UBR4: variants seen among roughly 807,000 people sequenced by gnomAD.
UBR4 encodes the protein ubiquitin protein ligase E3 component n-recognin 4.
Under a neutral mutation model 575.6 loss-of-function variants are expected in UBR4, and 124 were observed. The ratio of observed to expected loss-of-function variants is 0.22; its 90% CI spans 0.19 to 0.25. UBR4 has a LOEUF of 0.25. UBR4 is among the 10% of genes least tolerant of loss of function. UBR4 has a pLI of 1.00. For missense variants in UBR4, 4,818 were observed against 6,478.8 expected (o/e 0.74, Z 8.80); for synonymous variants, 2,455 against 2,473.7 (o/e 0.99, Z 0.22).
chr1:19,189,698 T>G (rs2091889465), intron 11 of UBR4, among the ~76,000 whole-genome samples: 1 of 152,202 alleles, frequency 6.6e-6, no homozygotes, highest in Admixed American at 6.5e-5. Flanking sequence ...ACATGTATTC[T>G]TTTAAAATAT....
In UBR4 at chr1:19,081,976, C is replaced by CTTG. The variant is rs1234460620; in HGVS notation, c.15009-404_15009-403insCAA. 5.1e-6 allele frequency: 3 copies of CTTG among 586,396 alleles called. No individual in the cohort carries two copies. The East Asian group carries it at 8.3e-5, about 16-fold the overall frequency. 36.3% of individuals were successfully genotyped at this position (586,396 alleles called of 1,614,324 possible). ...GTCAGCAAGCTAGTGAGTGATGGGG[C>CTTG]CAAAAACATGAATCAAGATTCCCTG... On this transcript the variant is annotated intron_variant, in intron 102 of 105. Coordinates refer to ENST00000375254, the MANE Select transcript of UBR4 (RefSeq NM_020765.3).
Position 19,077,835 on chromosome 1 carries a change from G to C in UBR4, c.15324+141C>G, listed in dbSNP as rs1029898184. ...CCAGTGTCAATCCCTCCCACAGTTGGGGTTGTTTGTTTCTAGGAAAAAAGC... is the reference window on the plus strand; with the variant it reads ...CCAGTGTCAATCCCTCCCACAGTTGCGGTTGTTTGTTTCTAGGAAAAAAGC... On this transcript the variant is annotated intron_variant, in intron 104 of 105. Coordinates refer to ENST00000375254, the MANE Select transcript of UBR4 (RefSeq NM_020765.3). 2.6e-6 allele frequency: 4 copies of C among 1,549,716 alleles called. No homozygotes were observed. In the South Asian group the frequency reaches 4.8e-5, roughly 18 times the overall value.
At chr1:19,131,262 A>T (rs554680454) in intron 60 of UBR4, among the ~76,000 whole-genome samples, 52 of 149,854 alleles carry the variant, frequency 3.5e-4, no homozygotes, top group Middle Eastern at 3.4e-3. Flanking sequence ...AAAAAAAAAA[A>T]AAAAAAATAA....
In UBR4 at chr1:19,093,583, T is replaced by C; in HGVS notation, c.13938-97A>G. On this transcript the variant is annotated intron_variant, in intron 95 of 105. Coordinates refer to ENST00000375254, the MANE Select transcript of UBR4 (RefSeq NM_020765.3). The surrounding 1 kb of genome is among the most constrained non-coding windows in gnomAD (Gnocchi z 4.8). The stretch of plus-strand genomic sequence containing the variant: ...ACAACTGTCAACAGCCTATAGAAGA[T>C]CAAGGCTAAATTCCCTAACGTGACA... The C allele has an allele frequency of 7.3e-7, 1 of 1,366,804 alleles. No individual in the cohort carries two copies. The allele number at this position is 1,366,804 out of a possible 1,614,324, so 84.7% of individuals were successfully genotyped here. A position where few individuals can be genotyped will look rare whatever the true frequency, so the allele number is the denominator to read the frequency against.
intron 29 of UBR4, among the ~76,000 whole-genome samples, chr1:19,166,390 T>G (rs1367477375): frequency 6.6e-6 from 1 of 152,116 alleles, no homozygotes; most frequent in Non-Finnish European, 1.5e-5. Flanking sequence ...GTCCATCTCA[T>G]CAGAGCTAGT....
chr1:19,138,144 A>G lies in UBR4; in HGVS notation c.8769T>C (p.Ala2923=), dbSNP rs111901376. 6.3e-7 allele frequency: 1 copy of G among 1,586,262 alleles called. No homozygotes were observed. Among genetic ancestry groups the G allele is most frequent in the Non-Finnish European group, 8.6e-7 (1 of 1,163,290 alleles). Reference sequence around the variant, plus strand: ...TTCCTGGTCCAGCCGGATGCCCCTCAGCTGTAGCATCGCCATAAGCACTGC... The same window carrying G: ...TTCCTGGTCCAGCCGGATGCCCCTCGGCTGTAGCATCGCCATAAGCACTGC... ...GRSSAYGDAT[A]EGHPAGPGSV... is the part of the protein sequence containing the mutation. Residue 2923 remains alanine, a synonymous_variant, in exon 60 of 106, where the codon GCT becomes GCC. Transcript: ENST00000375254.
Position 19,113,708 on chromosome 1 carries a change from T to C in UBR4, c.11448A>G (p.Lys3816=). The C allele has an allele frequency of 6.2e-7, 1 of 1,614,148 alleles. No individual in the cohort carries two copies. Among genetic ancestry groups the C allele is most frequent in the Non-Finnish European group, 8.5e-7 (1 of 1,180,018 alleles). ...GCTCCCCGCTCTCTACCTGGATGAT[T>C]TTGGAGAGTTCATCAAAAGAGTTCT... is the stretch of plus-strand genomic sequence containing the variant. ...DCKNSFDELS[K]IIQKVFASRK... The change falls in exon 77 of 106, where the codon AAA becomes AAG. Residue 3816 remains lysine (K), a synonymous_variant. Transcript: ENST00000375254.
chr1:19,109,394 T>C (rs2079586859), intron 81 of UBR4, among the ~76,000 whole-genome samples: 1 of 152,258 alleles, frequency 6.6e-6, no homozygotes, highest in Admixed American at 6.5e-5. Flanking sequence ...TATACCATCC[T>C]ATATACTAGA....
intron 30 of UBR4, 37 bp from the exon 31 acceptor site, chr1:19,165,386 C>G: frequency 1.3e-6 from 2 of 1,523,944 alleles, no homozygotes; most frequent in Non-Finnish European, 9.1e-7. Flanking sequence ...GAAAGAATCA[C>G]ATTAAAGCCC....
chr1:19,203,237 A>T (rs1571839765), intron 1 of UBR4, among the ~76,000 whole-genome samples: 1 of 152,100 alleles, frequency 6.6e-6, no homozygotes, highest in African/African-American at 2.4e-5. Flanking sequence ...CTGGTGGCTC[A>T]AGCCTGTAAT....
chr1:19,163,639 T>C, intron 34 of UBR4, 125 bp downstream of exon 34: 1 of 1,058,840 alleles, frequency 9.4e-7, no homozygotes. Context: ...TTTGAGATTA[T>C]CAGCCTTATC....
intron 2 of UBR4, among the ~76,000 whole-genome samples, chr1:19,200,016 ATTTAATTC>A (rs2092668716): frequency 6.6e-6 from 1 of 152,250 alleles, no homozygotes; most frequent in African/African-American, 2.4e-5. Flanking sequence ...GTATTAACTC[ATTTAATTC>A]TTAAACCAAT....
intron 60 of UBR4, among the ~76,000 whole-genome samples, chr1:19,132,325 G>A (rs181540276): frequency 3.6e-4 from 54 of 151,708 alleles, no homozygotes; most frequent in Non-Finnish European, 7.4e-4. Context: ...GGGATTACAG[G>A]TGCACGCCAC....
In UBR4 at chr1:19,074,708, G is replaced by A. The variant is rs956117064; in HGVS notation, c.*124C>T. 4.8e-5 allele frequency: 54 copies of A among 1,121,686 alleles called. No individual in the cohort carries two copies. In the African/African-American group the frequency reaches 7.1e-4, roughly 15 times the overall value. The allele number at this position is 1,121,686 out of a possible 1,614,324, so 69.5% of individuals were successfully genotyped here. On this transcript the variant is annotated 3_prime_UTR_variant, in exon 106 of 106. Coordinates refer to ENST00000375254, the MANE Select transcript of UBR4 (RefSeq NM_020765.3). ...AACCCCAAGCCACACCAAGAAAAAT[G>A]AGAGAGGGGAGGGCGGGGTAACAAT...
Position 19,074,847 on chromosome 1 carries a change from C to T in UBR4, c.15537G>A (p.Leu5179=). ...TDPESFLKDL[L]NSVP ...TGTGTGGTGGTCAGGGGACTGAGTT[C>T]AACAGGTCCTTCAGGAAGCTCTCTG... The change falls in exon 106 of 106, where the codon TTG becomes TTA. Residue 5179 remains leucine (L), a synonymous_variant. Coordinates refer to ENST00000375254, the MANE Select transcript of UBR4 (RefSeq NM_020765.3). 6.2e-7 allele frequency: 1 copy of T among 1,614,106 alleles called. No individual in the cohort carries two copies. The highest frequency in any genetic ancestry group is 8.5e-7 in the Non-Finnish European group (1 of 1,180,006).
At chr1:19,160,310 GAAA>G (rs61579638) in intron 38 of UBR4, 29 bp from the exon 39 acceptor site, 1,060 of 1,105,224 alleles carry the variant, frequency 9.6e-4, no homozygotes, top group South Asian at 2.3e-3. Context: ...ATACACCAGT[GAAA>G]AAAAAAAAAA....
At position 19,153,190 on chromosome 1, in the gene UBR4, A is replaced by T; in HGVS notation, c.6832+111T>A. Reference sequence around the variant, plus strand: ...GGGAAATTAACTTTACAAAATGTGCAAGTAGGACAGTCACATTTCTTCACA... The same window carrying T: ...GGGAAATTAACTTTACAAAATGTGCTAGTAGGACAGTCACATTTCTTCACA... On this transcript the variant is annotated intron_variant, in intron 46 of 105. Coordinates refer to ENST00000375254, the MANE Select transcript of UBR4 (RefSeq NM_020765.3). The surrounding 1 kb of genome is among the most constrained non-coding windows in gnomAD (Gnocchi z 4.1). 1 of 1,243,320 alleles carries T rather than the reference A, an allele frequency of 8.0e-7. No individual in the cohort carries two copies. The highest frequency in any genetic ancestry group is 2.4e-5 in the East Asian group (1 of 42,366). 77.0% of individuals were successfully genotyped at this position (1,243,320 alleles called of 1,614,324 possible).
At chr1:19,181,275 C>A (rs747317287) in intron 17 of UBR4, among the ~76,000 whole-genome samples, 4 of 151,994 alleles carry the variant, frequency 2.6e-5, no homozygotes, top group Admixed American at 6.6e-5. Flanking sequence ...ATGGCACACA[C>A]ACATAGTCCC....
chr1:19,118,828 T>G (rs770026476), intron 71 of UBR4, 44 bp downstream of exon 71: 3 of 1,596,938 alleles, frequency 1.9e-6, no homozygotes, highest in Non-Finnish European at 2.6e-6. Flanking sequence ...CTCCTCAGAA[T>G]GCTGACTGAG....
Sources: gnomAD v4.1 joint callset for allele counts (sites outside exome capture counted in the v4.1 genomes callset) on GRCh38, gnomAD v4.1.1 for gene constraint, Gnocchi (gnomAD v3.1) non-coding constraint, MANE v1.5 for transcripts, NCBI Gene and HGNC (gene_info 2026-07-23, HGNC 2026-07-21) for gene names.